CALN1: variants seen among roughly 807,000 people sequenced by gnomAD.
CALN1 encodes calneuron 1.
A neutral mutation model predicts 30.6 loss-of-function variants in CALN1; 17 were observed. That is an observed-to-expected ratio of 0.56 (90% CI 0.38 to 0.83). The LOEUF is 0.83. Among genes scored for constraint, CALN1 ranks in the 40% least tolerant of loss-of-function variants. CALN1 has a pLI of 0.00. For missense variants in CALN1, 291 were observed against 354.9 expected (o/e 0.82, Z 1.45); for synonymous variants, 156 against 131.4 (o/e 1.19, Z -1.28).
At chr7:72,434,459 T>C (rs1314144283) in intron 1 of CALN1, among the ~76,000 whole-genome samples, 1 of 149,422 alleles carries the variant, frequency 6.7e-6, no homozygotes, top group Non-Finnish European at 1.5e-5. Flanking sequence ...GAGGCAGAGG[T>C]TGCAGTGAGC....
chr7:72,197,255 G>A (rs1171659556), intron 3 of CALN1, among the ~76,000 whole-genome samples: 1 of 124,004 alleles, frequency 8.1e-6, no homozygotes, highest in Non-Finnish European at 1.6e-5. Flanking sequence ...CACGATCTCA[G>A]CTCACTGCAA....
intron 1 of CALN1, among the ~76,000 whole-genome samples, chr7:72,424,377 A>AAAT (rs1469995251): frequency 6.6e-6 from 1 of 152,158 alleles, no homozygotes; most frequent in African/African-American, 2.4e-5. Flanking sequence ...TTACATTTTA[A>AAAT]AATTTTAAAG....
intron 5 of CALN1, among the ~76,000 whole-genome samples, chr7:71,960,970 C>T (rs1216681192): frequency 6.6e-6 from 1 of 152,146 alleles, no homozygotes; most frequent in Non-Finnish European, 1.5e-5. Context: ...GCTTGTGACA[C>T]CACACCTGGC....
chr7:72,207,748 G>A (rs1791996501), intron 3 of CALN1, among the ~76,000 whole-genome samples: 1 of 152,150 alleles, frequency 6.6e-6, no homozygotes, highest in African/African-American at 2.4e-5. Context: ...ATGCATGTTT[G>A]TTAAGTGGAT....
chr7:72,345,880 A>G (rs1032104719), intron 2 of CALN1, among the ~76,000 whole-genome samples: 4 of 152,208 alleles, frequency 2.6e-5, no homozygotes, highest in Non-Finnish European at 4.4e-5. Context: ...TATAGCCACT[A>G]TAATTTTTTA....
chr7:72,091,503 T>G (rs1206042029), intron 4 of CALN1, among the ~76,000 whole-genome samples: 1 of 152,082 alleles, frequency 6.6e-6, no homozygotes, highest in Non-Finnish European at 1.5e-5. Context: ...AAATATCACA[T>G]GTACCCCATA....
chr7:71,932,478 T>C (rs1385179165), intron 5 of CALN1, among the ~76,000 whole-genome samples: 1 of 152,092 alleles, frequency 6.6e-6, no homozygotes, highest in Non-Finnish European at 1.5e-5. Context: ...TAAAATGGTT[T>C]AAACTATATT....
At chr7:72,197,178 C>CTTTT (rs386410439) in intron 3 of CALN1, among the ~76,000 whole-genome samples, 2,472 of 64,296 alleles carry the variant, frequency 0.038, 502 homozygotes, top group East Asian at 0.21. Flanking sequence ...GGAAGGTTTG[C>CTTTT]TTTTTTTTTT....
In CALN1 at chr7:72,365,081, G is replaced by A. The variant is rs145888829; in HGVS notation, c.119+38170C>T. Among the ~76,000 whole-genome samples the A allele has an allele frequency of 3.4e-3, 513 of 152,188 alleles. 2 individuals carry two copies. Among genetic ancestry groups the A allele is most frequent in the Middle Eastern group, 0.014 (4 of 294 alleles). ...GCACTTTGGGAGGCCAAGGCAGGTG[G>A]ATCACCTGAGGTCAGGAGTTCGAGA... On this transcript the variant is annotated intron_variant, in intron 2 of 6. Coordinates refer to ENST00000395275, the MANE Select transcript of CALN1 (RefSeq NM_031468.4).
chr7:72,156,883 C>T (rs1011236083), intron 3 of CALN1, among the ~76,000 whole-genome samples: 1 of 152,170 alleles, frequency 6.6e-6, no homozygotes, highest in African/African-American at 2.4e-5. Context: ...CTTCAAATCA[C>T]AAAGCACTTC....
At chr7:72,377,609 G>A (rs938862743) in intron 2 of CALN1, among the ~76,000 whole-genome samples, 2 of 152,070 alleles carry the variant, frequency 1.3e-5, no homozygotes, top group East Asian at 1.9e-4. Context: ...TGTTTGTTTA[G>A]CAACTTCTCT....
intron 3 of CALN1, among the ~76,000 whole-genome samples, chr7:72,129,666 G>A (rs910176477): frequency 2.6e-5 from 4 of 152,158 alleles, no homozygotes; most frequent in Non-Finnish European, 5.9e-5. Context: ...AGCTAGGAGT[G>A]TAAATAAAAA....
the CALN1 span, among the ~76,000 whole-genome samples, chr7:72,492,775 T>C: frequency 6.6e-6 from 1 of 152,164 alleles, no homozygotes; most frequent in African/African-American, 2.4e-5. Context: ...GATCAGAAAA[T>C]ACACTGGCTG....
Position 71,798,101 on chromosome 7 carries a change from CAGAGAGAGACAGAGACAGAGACAGAG to C in CALN1, c.659-10225_659-10200del, listed in dbSNP as rs1787049341. On this transcript the variant is annotated intron_variant, in intron 6 of 6. Transcript: ENST00000395275. ...AGACAGAGAGAGACAGAGAGAGAGA[CAGAGAGAGACAGAGACAGAGACAGAG>C]AGAGAGAGAGAGAGAGAGAGAGAGA... 6.0e-3 allele frequency among the ~76,000 whole-genome samples: 460 copies of C among 76,692 alleles called. 2 individuals carry two copies. The highest frequency in any genetic ancestry group is 0.023 in the African/African-American group (395 of 16,914). 50.3% of individuals were successfully genotyped at this position (76,692 alleles called of 152,430 possible).
chr7:72,289,471 T>A (rs372251679), intron 2 of CALN1, among the ~76,000 whole-genome samples: 2 of 152,228 alleles, frequency 1.3e-5, no homozygotes, highest in Non-Finnish European at 2.9e-5. Flanking sequence ...AGTGATATAC[T>A]GGTAAATGTT....
intron 5 of CALN1, among the ~76,000 whole-genome samples, chr7:71,974,965 TCTGGGGAAAGA>T (rs1798033075): frequency 2.0e-5 from 3 of 152,136 alleles, no homozygotes; most frequent in Admixed American, 6.6e-5. Flanking sequence ...TAACCTTCTG[TCTGGGGAAAGA>T]AGGTCCTGTC....
chr7:72,266,554 C>T lies in CALN1; in HGVS notation c.244+12132G>A, dbSNP rs189008885. ...GGGCTGTCATATTTTTTTCCTTCCT[C>T]CCTGTGTGTGGATTTCTATTTTCTA... On this transcript the variant is annotated intron_variant, in intron 3 of 6. Coordinates refer to ENST00000395275, the MANE Select transcript of CALN1 (RefSeq NM_031468.4). 3.9e-4 allele frequency among the ~76,000 whole-genome samples: 60 copies of T among 152,268 alleles called. 1 individual carries two copies. In the East Asian group the frequency reaches 6.0e-3, roughly 15 times the overall value.
At chr7:72,233,940 G>A (rs1033069772) in intron 3 of CALN1, among the ~76,000 whole-genome samples, 7 of 152,122 alleles carry the variant, frequency 4.6e-5, no homozygotes, top group East Asian at 1.9e-4. Flanking sequence ...GGAGACAGAG[G>A]TTGCAGTGAG....
the CALN1 span, among the ~76,000 whole-genome samples, chr7:72,469,313 T>C: frequency 6.6e-6 from 1 of 152,232 alleles, no homozygotes; most frequent in Admixed American, 6.5e-5. Flanking sequence ...AGTACCGTTG[T>C]TAAAAAGGCT....
Sources: gnomAD v4.1 joint callset for allele counts (sites outside exome capture counted in the v4.1 genomes callset) on GRCh38, gnomAD v4.1.1 for gene constraint, MANE v1.5 for transcripts, NCBI Gene and HGNC (gene_info 2026-07-23, HGNC 2026-07-21) for gene names.